ADAMTS8: variants seen among roughly 807,000 people sequenced by gnomAD.
ADAMTS8 encodes ADAM metallopeptidase with thrombospondin type 1 motif 8.
In ADAMTS8, 50 loss-of-function variants were observed where a neutral mutation model predicts 64.4. The observed-to-expected ratio is 0.78, with a 90% confidence interval of 0.62 to 0.98. The LOEUF is 0.98. Ranked by LOEUF, ADAMTS8 falls within the 50% of genes least tolerant of loss-of-function variation. The pLI, the probability that ADAMTS8 is intolerant of heterozygous loss-of-function variation, is 0.00. For synonymous variants in ADAMTS8, 556 were observed against 533.6 expected (o/e 1.04, Z -0.58); for missense variants, 1,192 against 1,208.2 (o/e 0.99, Z 0.20).
In ADAMTS8 at chr11:130,408,876, C is replaced by T. The variant is rs1186749819; in HGVS notation, c.1815G>A (p.Gly605=). Residue 605 remains glycine (G), a synonymous_variant, in exon 7 of 9, where the codon GGG becomes GGA. Transcript: ENST00000257359. ...ACTTGGGGACCCACTGCAGGAGATT[C>T]CCGTCCATGTCAGTGTAATTGTAGG... ...YNAYNYTDMD[G]NLLQWVPKYA... is the part of the protein sequence containing the mutation. The T allele has an allele frequency of 3.1e-6, 5 of 1,610,478 alleles. No homozygotes were observed. The highest frequency in any genetic ancestry group is 1.1e-5 in the South Asian group (1 of 90,174).
Position 130,405,524 on chromosome 11 carries a change from C to G in ADAMTS8, c.*34G>C, listed in dbSNP as rs943786414. 1 of 1,558,860 alleles carries G rather than the reference C, an allele frequency of 6.4e-7. No individual in the cohort carries two copies. ...TTGTCTGCACCTCAGTACCGCATGT[C>G]CAGGAGCACAAGACTGGCCCCTGCC... On this transcript the variant is annotated 3_prime_UTR_variant, in exon 9 of 9. Transcript: ENST00000257359.
rs1861947924 is a variant in ADAMTS8, at chr11:130,411,268, T to G, written c.1750+149A>C. On this transcript the variant is annotated intron_variant, in intron 6 of 8. Transcript: ENST00000257359. The surrounding 1 kb of genome is among the most constrained non-coding windows in gnomAD (Gnocchi z 4.2). ...TAGGTGGAGATCACAGGCAAAACTC[T>G]ACATCCCAGGAGACCCAATTTACTC... 1.0e-6 allele frequency: 1 copy of G among 968,982 alleles called. No homozygotes were observed. Among genetic ancestry groups the G allele is most frequent in the Admixed American group, 2.9e-5 (1 of 34,600 alleles). 60.0% of individuals were successfully genotyped at this position (968,982 alleles called of 1,614,324 possible).
At chr11:130,423,047 C>T (rs1234036221) in intron 1 of ADAMTS8, among the ~76,000 whole-genome samples, 4 of 152,232 alleles carry the variant, frequency 2.6e-5, no homozygotes, top group African/African-American at 7.2e-5. Context: ...GTGACTTGCT[C>T]AAGGACACTA....
chr11:130,427,529 C>T (rs1271098555), intron 1 of ADAMTS8, 38 bp downstream of exon 1: 1 of 1,526,972 alleles, frequency 6.5e-7, no homozygotes, highest in East Asian at 2.5e-5. Flanking sequence ...TCTGGGGGGC[C>T]TCCGGGCACG....
At position 130,411,412 on chromosome 11, in the gene ADAMTS8, A is replaced by G. The variant is rs114812802; in HGVS notation, c.1750+5T>C. ...CTGGCAGGGGCGGCCCTGAGTGGTAATTACCGTCAGGGGGGCATTCCTCCG... is the reference window on the plus strand; with the variant it reads ...CTGGCAGGGGCGGCCCTGAGTGGTAGTTACCGTCAGGGGGGCATTCCTCCG... On this transcript the variant is annotated splice_donor_5th_base_variant and intron_variant, in intron 6 of 8. Transcript: ENST00000257359. This position sits in a 1 kb window ranked among gnomAD's most constrained non-coding sequence, Gnocchi z 4.2. The G allele has an allele frequency of 0.011, 18,444 of 1,613,304 alleles. 164 individuals carry two copies. The highest frequency in any genetic ancestry group is 0.028 in the Middle Eastern group (171 of 6,058).
chr11:130,409,060 CG>C, intron 6 of ADAMTS8, 120 bp from the exon 7 acceptor site: 1 of 1,146,024 alleles, frequency 8.7e-7, no homozygotes, highest in South Asian at 1.7e-5. Context: ...TCAACCCAGG[CG>C]CCCAGGGCCA....
At chr11:130,422,956 T>C (rs1297874808) in intron 1 of ADAMTS8, among the ~76,000 whole-genome samples, 1 of 152,246 alleles carries the variant, frequency 6.6e-6, no homozygotes, top group Non-Finnish European at 1.5e-5. Flanking sequence ...GTGCATTCCA[T>C]ATTTTCTTAC....
chr11:130,405,427 G>T lies in ADAMTS8; in HGVS notation c.*131C>A. 6.7e-7 allele frequency: 1 copy of T among 1,488,332 alleles called. No individual in the cohort carries two copies. The highest frequency in any genetic ancestry group is 8.9e-7 in the Non-Finnish European group (1 of 1,128,158). The allele number at this position is 1,488,332 out of a possible 1,614,324, so 92.2% of individuals were successfully genotyped here. A position where few individuals can be genotyped will look rare whatever the true frequency, so the allele number is the denominator to read the frequency against. ...ATTTGTGCAGTACTGGAGGGGTTGCGGCAATGGGAGGCCTGGGTGGGCCGT... is the reference window on the plus strand; with the variant it reads ...ATTTGTGCAGTACTGGAGGGGTTGCTGCAATGGGAGGCCTGGGTGGGCCGT... On this transcript the variant is annotated 3_prime_UTR_variant, in exon 9 of 9. Coordinates refer to ENST00000257359, the MANE Select transcript of ADAMTS8 (RefSeq NM_007037.6).
In ADAMTS8 at chr11:130,405,593, C is replaced by T; in HGVS notation, c.2635G>A (p.Ala879Thr). 6.2e-7 allele frequency: 1 copy of T among 1,609,548 alleles called. No individual in the cohort carries two copies. The highest frequency in any genetic ancestry group is 8.5e-7 in the Non-Finnish European group (1 of 1,176,564). The change falls in exon 9 of 9, where the codon GCC becomes ACC. Residue 879 changes from alanine (A) to threonine (T), a missense_variant. Physicochemically the swap from Ala to Thr is moderately conservative, Grantham distance 58. Around this residue, in one of 5 missense-constraint regions of ADAMTS8, gnomAD observed 147 missense variants for 154.1 expected, o/e 0.95. Transcript: ENST00000257359. ...CACAGCTGGCTTTCGCAGGGCTTGG[C>T]ATCCTCGGGTTTCAGAGCCTTGTTG... is the stretch of plus-strand genomic sequence containing the variant. ...TCNKALKPED[A>T]KPCESQLCPL
At position 130,428,320 on chromosome 11, in the gene ADAMTS8, GA is replaced by G; in HGVS notation, c.-35del. 7.9e-7 allele frequency: 1 copy of G among 1,259,868 alleles called. No homozygotes were observed. The highest frequency in any genetic ancestry group is 1.0e-6 in the Non-Finnish European group (1 of 994,250). 78.0% of individuals were successfully genotyped at this position (1,259,868 alleles called of 1,614,324 possible). A position where few individuals can be genotyped will look rare whatever the true frequency, so the allele number is the denominator to read the frequency against. ...CGGCGGTGGCTGCGCGCAGGAGAGG[GA>G]AGAAGCCCGCCAGGCGCGGGCAGGT... On this transcript the variant is annotated 5_prime_UTR_variant, in exon 1 of 9. Coordinates refer to ENST00000257359, the MANE Select transcript of ADAMTS8 (RefSeq NM_007037.6).
intron 5 of ADAMTS8, among the ~76,000 whole-genome samples, chr11:130,412,608 A>G (rs1427304116): frequency 6.6e-6 from 1 of 152,230 alleles, no homozygotes; most frequent in East Asian, 1.9e-4. Flanking sequence ...AAATGAAAAT[A>G]ATTTTTTAAA....
chr11:130,426,944 G>T (rs1232988229), intron 1 of ADAMTS8, among the ~76,000 whole-genome samples: 1 of 152,266 alleles, frequency 6.6e-6, no homozygotes, highest in Non-Finnish European at 1.5e-5. Context: ...GCCAAGTTCT[G>T]CCGGGGCTGA....
chr11:130,417,054 G>A lies in ADAMTS8; in HGVS notation c.982C>T (p.Leu328=). 1.9e-6 allele frequency: 3 copies of A among 1,613,942 alleles called. No individual in the cohort carries two copies. In the African/African-American group the frequency reaches 4.0e-5, roughly 22 times the overall value. Residue 328 remains leucine, a synonymous_variant, in exon 3 of 9, where the codon CTG becomes TTG. Transcript: ENST00000257359. ...TRQNFCGQEG[L]CDTLGVADIG... ...TCTGCCACACCCAGGGTGTCACACAGCCCCTCCTGCCCACAGAAGTTCTGC... is the reference window on the plus strand; with the variant it reads ...TCTGCCACACCCAGGGTGTCACACAACCCCTCCTGCCCACAGAAGTTCTGC...
intron 1 of ADAMTS8, among the ~76,000 whole-genome samples, chr11:130,422,955 A>G (rs1361378874): frequency 1.3e-5 from 2 of 152,260 alleles, no homozygotes; most frequent in South Asian, 2.1e-4. Context: ...GGTGCATTCC[A>G]TATTTTCTTA....
At chr11:130,421,545 T>A (rs1862099108) in intron 1 of ADAMTS8, among the ~76,000 whole-genome samples, 1 of 152,238 alleles carries the variant, frequency 6.6e-6, no homozygotes, top group Non-Finnish European at 1.5e-5. Flanking sequence ...AGGAGGATTC[T>A]GTGGTCCAGT....
chr11:130,411,221 T>C lies in ADAMTS8; in HGVS notation c.1750+196A>G, dbSNP rs531762921. Among the ~76,000 whole-genome samples the C allele has an allele frequency of 8.5e-4, 130 of 152,222 alleles. 1 individual carries two copies. The highest frequency in any genetic ancestry group is 3.4e-3 in the Middle Eastern group (1 of 294). ...GGGTCCCTGAGAGCTGCCCCTGGGA[T>C]TGGAACCTTGCAGAGCCCATTTAGG... On this transcript the variant is annotated intron_variant, in intron 6 of 8. Coordinates refer to ENST00000257359, the MANE Select transcript of ADAMTS8 (RefSeq NM_007037.6). This position sits in a 1 kb window ranked among gnomAD's most constrained non-coding sequence, Gnocchi z 4.2.
rs752938417 is a variant in ADAMTS8 at position 130,417,048 on chromosome 11, C to T, written c.988G>A (p.Asp330Asn). 2 of 1,613,982 alleles carry T rather than the reference C, an allele frequency of 1.2e-6. No homozygotes were observed. The highest frequency in any genetic ancestry group is 1.7e-6 in the Non-Finnish European group (2 of 1,180,006). The change falls in exon 3 of 9, where the codon GAC becomes AAC. Residue 330 changes from aspartate to asparagine, a missense_variant. By Grantham distance (23) the Asp-to-Asn change is conservative. Transcript: ENST00000257359. ...CCGATGTCTGCCACACCCAGGGTGT[C>T]ACACAGCCCCTCCTGCCCACAGAAG... ...QNFCGQEGLC[D>N]TLGVADIGTI...
At chr11:130,409,112 C>CTGA (rs1861922462) in intron 6 of ADAMTS8, among the ~76,000 whole-genome samples, 172 bp from the exon 7 acceptor site, 1 of 152,136 alleles carries the variant, frequency 6.6e-6, no homozygotes, top group African/African-American at 2.4e-5. Flanking sequence ...ATGTGTGACC[C>CTGA]TTACTCAAAA....
chr11:130,414,183 G>C (rs1192083403), intron 5 of ADAMTS8, among the ~76,000 whole-genome samples: 1 of 150,506 alleles, frequency 6.6e-6, no homozygotes, highest in Non-Finnish European at 1.5e-5. Context: ...GAGTGCAGTG[G>C]CATGATCATG....
Sources: allele counts gnomAD v4.1 joint callset (sites outside exome capture counted in the v4.1 genomes callset), GRCh38; gene constraint gnomAD v4.1.1; regional missense constraint gnomAD v4.1.1; non-coding constraint Gnocchi (gnomAD v3.1); transcripts MANE v1.5; gene names NCBI Gene and HGNC (gene_info 2026-07-23, HGNC 2026-07-21).